SMAP1: variants seen among roughly 807,000 people sequenced by gnomAD.
The protein encoded by SMAP1 is stromal membrane-associated protein 1.
In SMAP1, 24 loss-of-function variants were observed where a neutral mutation model predicts 58.5. The ratio of observed to expected loss-of-function variants is 0.41; its 90% CI spans 0.30 to 0.58. The LOEUF (loss-of-function observed/expected upper bound fraction) is 0.58, where lower values mean the gene tolerates loss of function less well. Ranked by LOEUF, SMAP1 falls within the 20% of genes least tolerant of loss-of-function variation. SMAP1 has a pLI of 0.29. For synonymous variants in SMAP1, 216 were observed against 196.6 expected (o/e 1.10, Z -0.82); for missense variants, 563 against 566.3 (o/e 0.99, Z 0.06).
intron 1 of SMAP1, among the ~76,000 whole-genome samples, chr6:70,727,770 A>G (rs1765245341): frequency 6.6e-6 from 1 of 152,212 alleles, no homozygotes. Context: ...TTCAAATGTA[A>G]TTCACACTGA....
intron 4 of SMAP1, among the ~76,000 whole-genome samples, chr6:70,780,026 C>T (rs940452364): frequency 5.3e-5 from 8 of 152,052 alleles, no homozygotes; most frequent in African/African-American, 1.9e-4. Context: ...TTCAACTGTA[C>T]GGCTGCATCT....
At chr6:70,769,270 C>G (rs1307274011) in intron 3 of SMAP1, among the ~76,000 whole-genome samples, 1 of 152,166 alleles carries the variant, frequency 6.6e-6, no homozygotes, top group Non-Finnish European at 1.5e-5. Context: ...ATTAAGTCCG[C>G]TTGGTGCAGA....
chr6:70,755,992 G>A (rs1309051236), intron 3 of SMAP1, among the ~76,000 whole-genome samples: 1 of 151,962 alleles, frequency 6.6e-6, no homozygotes, highest in African/African-American at 2.4e-5. Flanking sequence ...GGATAGAATT[G>A]TTTCCCACAT....
intron 1 of SMAP1, among the ~76,000 whole-genome samples, chr6:70,710,768 T>C (rs970852844): frequency 2.6e-5 from 4 of 152,248 alleles, no homozygotes; most frequent in African/African-American, 9.6e-5. Context: ...CTTGACTCTT[T>C]TGTAATAACA....
At chr6:70,831,155 C>A (rs1770343477) in intron 6 of SMAP1, among the ~76,000 whole-genome samples, 1 of 152,204 alleles carries the variant, frequency 6.6e-6, no homozygotes, top group Non-Finnish European at 1.5e-5. Flanking sequence ...TTTTCCCCTT[C>A]AGTCAGAGAC....
intron 4 of SMAP1, among the ~76,000 whole-genome samples, chr6:70,785,566 A>G (rs1767976740): frequency 6.6e-6 from 1 of 152,214 alleles, no homozygotes; most frequent in South Asian, 2.1e-4. Context: ...AGGACTAATA[A>G]AGAAGAAAAG....
chr6:70,755,171 A>G lies in SMAP1; in HGVS notation c.338+106A>G, dbSNP rs903083370. 9.3e-6 allele frequency: 8 copies of G among 861,800 alleles called. No homozygotes were observed. The Admixed American group carries it at 1.8e-4, about 19-fold the overall frequency. 53.4% of individuals were successfully genotyped at this position (861,800 alleles called of 1,614,324 possible). A position where few individuals can be genotyped will look rare whatever the true frequency, so the allele number is the denominator to read the frequency against. ...AGGAAGATGTGAACTTTATCACGCTACTGTTCATTAAAGATAGAAATTGAC... is the reference window on the plus strand; with the variant it reads ...AGGAAGATGTGAACTTTATCACGCTGCTGTTCATTAAAGATAGAAATTGAC... On this transcript the variant is annotated intron_variant, in intron 3 of 10. Transcript: ENST00000370455.
rs763347445 is a variant in SMAP1 at position 70,845,674 on chromosome 6, AT to A, written c.665-6863del. 1.1e-3 allele frequency among the ~76,000 whole-genome samples: 172 copies of A among 152,334 alleles called. 1 individual carries two copies. The highest frequency in any genetic ancestry group is 5.3e-4 in the Non-Finnish European group (36 of 68,032). On this transcript the variant is annotated intron_variant, in intron 7 of 10. Transcript: ENST00000370455. The stretch of plus-strand genomic sequence containing the variant: ...CTGTACCTTTGTAGAGGATCTTATG[AT>A]TTAAAACCCATCTGTATCTTATCAT...
chr6:70,731,541 A>G (rs1456718512), intron 1 of SMAP1, among the ~76,000 whole-genome samples: 1 of 152,210 alleles, frequency 6.6e-6, no homozygotes, highest in Non-Finnish European at 1.5e-5. Context: ...CTTTTCCCTG[A>G]TCACATCCTC....
chr6:70,739,362 A>T (rs1026722426), intron 2 of SMAP1, among the ~76,000 whole-genome samples: 1 of 152,162 alleles, frequency 6.6e-6, no homozygotes, highest in Non-Finnish European at 1.5e-5. Context: ...TAATTTTTTT[A>T]AATGAGGCTA....
chr6:70,709,248 G>A (rs2149835984), intron 1 of SMAP1, among the ~76,000 whole-genome samples: 2 of 152,124 alleles, frequency 1.3e-5, no homozygotes, highest in South Asian at 4.2e-4. Context: ...TTTATTTCTG[G>A]CTTTCTATGC....
rs763295451 is a variant in SMAP1 at position 70,859,461 on chromosome 6, G to C, written c.1270-739G>C. 5.0e-5 allele frequency: 62 copies of C among 1,248,492 alleles called. 1 individual carries two copies. In the South Asian group the frequency reaches 6.0e-4, roughly 12 times the overall value. The allele number at this position is 1,248,492 out of a possible 1,614,324, so 77.3% of individuals were successfully genotyped here. On this transcript the variant is annotated intron_variant, in intron 10 of 10. Coordinates refer to ENST00000370455, the MANE Select transcript of SMAP1 (RefSeq NM_001044305.3). ...TTCTTCAGACACTTATGCCTGATTAGTGATGTAGTTTATGTTAGTGTCTTT... is the reference window on the plus strand; with the variant it reads ...TTCTTCAGACACTTATGCCTGATTACTGATGTAGTTTATGTTAGTGTCTTT...
intron 8 of SMAP1, 152 bp downstream of exon 8, chr6:70,852,816 G>A (rs749410178): frequency 3.8e-5 from 34 of 905,114 alleles, no homozygotes; most frequent in Middle Eastern, 3.3e-4. Context: ...TAAGCCAGCA[G>A]CTTGTTTTTG....
At chr6:70,860,158 T>TGAA in intron 10 of SMAP1, 42 bp from the exon 11 acceptor site, 2 of 1,532,692 alleles carry the variant, frequency 1.3e-6, no homozygotes, top group Non-Finnish European at 1.8e-6. Context: ...GAATTAAAAG[T>TGAA]GAAGTAAGCC....
intron 1 of SMAP1, among the ~76,000 whole-genome samples, chr6:70,712,851 T>G (rs2149839192): frequency 6.6e-6 from 1 of 151,080 alleles, no homozygotes; most frequent in Non-Finnish European, 1.5e-5. Context: ...TGGAGTGCAG[T>G]GGCACAATCA....
chr6:70,798,551 G>C (rs1768706036), intron 5 of SMAP1, 106 bp from the exon 6 acceptor site: 1 of 799,736 alleles, frequency 1.3e-6, no homozygotes, highest in Admixed American at 3.0e-5. Flanking sequence ...TGTAATTACT[G>C]AATATTTCTA....
chr6:70,837,120 C>A, intron 7 of SMAP1, 92 bp downstream of exon 7: 2 of 809,948 alleles, frequency 2.5e-6, no homozygotes, highest in Non-Finnish European at 3.6e-6. Flanking sequence ...CTTGAGTATG[C>A]CAAAACGTAC....
chr6:70,779,618 C>T (rs2149923020), intron 4 of SMAP1, among the ~76,000 whole-genome samples: 2 of 152,240 alleles, frequency 1.3e-5, no homozygotes, highest in Middle Eastern at 6.8e-3. Context: ...CCTATCTTGG[C>T]TAGCTGCATG....
chr6:70,707,084 G>T (rs988801866), intron 1 of SMAP1, among the ~76,000 whole-genome samples: 1 of 151,888 alleles, frequency 6.6e-6, no homozygotes, highest in Non-Finnish European at 1.5e-5. Context: ...GACATTAATG[G>T]TTTCTCTTGT....
Sources: allele counts gnomAD v4.1 joint callset (sites outside exome capture counted in the v4.1 genomes callset), GRCh38; gene constraint gnomAD v4.1.1; transcripts MANE v1.5; gene names NCBI Gene and HGNC (gene_info 2026-07-23, HGNC 2026-07-21).